AMMECR1: variants seen among roughly 807,000 people sequenced by gnomAD.
The protein encoded by AMMECR1 is AMMECR nuclear protein 1.
A neutral mutation model predicts 22.5 loss-of-function variants in AMMECR1; 3 were observed. The ratio of observed to expected loss-of-function variants is 0.13; its 90% CI spans 0.06 to 0.35. AMMECR1 has a LOEUF of 0.35. AMMECR1 is among the 10% of genes least tolerant of loss of function. The pLI, the probability that AMMECR1 is intolerant of heterozygous loss-of-function variation, is 1.00. For synonymous variants in AMMECR1, 130 were observed against 116.7 expected (o/e 1.11, Z -0.74); for missense variants, 235 against 278.7 (o/e 0.84, Z 1.12).
At chrX:110,232,584 C>A (rs1314100732) in intron 2 of AMMECR1, among the ~76,000 whole-genome samples, 3 of 111,008 alleles carry the variant, frequency 2.7e-5, no homozygotes, top group Non-Finnish European at 5.7e-5. Context: ...AAAATCGACA[C>A]CCTAACATCA....
chrX:110,295,780 C>G (rs779931626), intron 1 of AMMECR1, among the ~76,000 whole-genome samples: 57 of 111,654 alleles, frequency 5.1e-4, no homozygotes, highest in African/African-American at 1.8e-3. Flanking sequence ...CAGATTAATA[C>G]CAACCAGTGT....
intron 3 of AMMECR1, among the ~76,000 whole-genome samples, chrX:110,214,128 T>C (rs2067461127): frequency 1.8e-5 from 2 of 109,930 alleles, no homozygotes; most frequent in Non-Finnish European, 3.8e-5. Context: ...CCAGTCATAG[T>C]GGTGGGCGCC....
At chrX:110,238,577 C>T (rs2067613920) in intron 2 of AMMECR1, among the ~76,000 whole-genome samples, 2 of 112,301 alleles carry the variant, frequency 1.8e-5, no homozygotes, top group South Asian at 7.4e-4. Flanking sequence ...AATCCTATCT[C>T]CCTGGGACAG....
intron 2 of AMMECR1, among the ~76,000 whole-genome samples, chrX:110,227,196 G>A (rs1277684700): frequency 9.0e-6 from 1 of 111,567 alleles, no homozygotes; most frequent in Non-Finnish European, 1.9e-5. Context: ...CTCTTTCCAT[G>A]GCAATCAAAT....
chrX:110,318,922 C>A (rs2068068288), upstream of AMMECR1, among the ~76,000 whole-genome samples: 1 of 112,337 alleles, frequency 8.9e-6, no homozygotes, highest in Admixed American at 9.4e-5. Context: ...TTCAAAGATA[C>A]TAATTGTGCT....
chrX:110,397,972 G>A (rs1414643594), intron 2 of AMMECR1, among the ~76,000 whole-genome samples: 5 of 112,265 alleles, frequency 4.5e-5, no homozygotes, highest in African/African-American at 9.7e-5. Flanking sequence ...GGTGGAGCAC[G>A]AACCCGCTTC....
At chrX:110,415,534 A>G (rs187789044) in intron 2 of AMMECR1, among the ~76,000 whole-genome samples, 1 of 111,468 alleles carries the variant, frequency 9.0e-6, no homozygotes, top group East Asian at 2.8e-4. Flanking sequence ...TCGACAACCA[A>G]TATGTATTGA....
chrX:110,411,977 T>C (rs1347903590), intron 2 of AMMECR1, among the ~76,000 whole-genome samples: 1 of 112,583 alleles, frequency 8.9e-6, no homozygotes, highest in Admixed American at 9.4e-5. Context: ...GAGAAGATAA[T>C]GAACAATTCA....
intron 1 of AMMECR1, among the ~76,000 whole-genome samples, chrX:110,301,917 A>G (rs979639676): frequency 3.6e-5 from 4 of 112,047 alleles, no homozygotes; most frequent in Non-Finnish European, 5.6e-5. Context: ...AATTTAAAAC[A>G]AAACAGTAGA....
chrX:110,232,367 C>A (rs985782206), intron 2 of AMMECR1, among the ~76,000 whole-genome samples: 11 of 112,169 alleles, frequency 9.8e-5, no homozygotes, highest in African/African-American at 3.2e-4. Flanking sequence ...GAAACTCACT[C>A]AATACCACAT....
intron 2 of AMMECR1, among the ~76,000 whole-genome samples, chrX:110,402,830 G>A (rs1254111308): frequency 8.9e-6 from 1 of 112,150 alleles, no homozygotes; most frequent in East Asian, 2.8e-4. Flanking sequence ...AATAGGTCCT[G>A]AAAGGGGGGT....
At chrX:110,439,536 G>T (rs932524248) in intron 1 of AMMECR1, among the ~76,000 whole-genome samples, 5 of 111,951 alleles carry the variant, frequency 4.5e-5, no homozygotes, top group Non-Finnish European at 5.6e-5. Flanking sequence ...TAATAGCTGT[G>T]GTTGCATTTA....
intron 1 of AMMECR1, among the ~76,000 whole-genome samples, chrX:110,275,567 A>T (rs1488442976): frequency 3.6e-5 from 4 of 111,345 alleles, no homozygotes; most frequent in Non-Finnish European, 7.5e-5. Flanking sequence ...ATGGTGGCTC[A>T]CGCCTGTAAT....
chrX:110,252,897 C>T lies in AMMECR1; in HGVS notation c.584+11592G>A, dbSNP rs751019391. Among the ~76,000 whole-genome samples, 205 of 111,986 alleles carry T rather than the reference C, an allele frequency of 1.8e-3. 2 individuals carry two copies. The highest frequency in any genetic ancestry group is 6.4e-3 in the African/African-American group (197 of 30,876). Reference sequence around the variant, plus strand: ...ACGGAGAAAAATGAAGCAGGGTAAACGGGCAGGGAGAGCCAGATATCAAAT... The same window carrying T: ...ACGGAGAAAAATGAAGCAGGGTAAATGGGCAGGGAGAGCCAGATATCAAAT... On this transcript the variant is annotated intron_variant, in intron 2 of 5. Transcript: ENST00000262844.
chrX:110,436,435 T>C (rs2068838900), intron 1 of AMMECR1, among the ~76,000 whole-genome samples: 1 of 111,986 alleles, frequency 8.9e-6, no homozygotes, highest in Admixed American at 9.5e-5. Context: ...ACTGCTGGAA[T>C]ATGCATTTTA....
intron 3 of AMMECR1, among the ~76,000 whole-genome samples, chrX:110,215,690 C>T (rs1230040496): frequency 2.7e-5 from 3 of 111,980 alleles, no homozygotes; most frequent in Non-Finnish European, 5.7e-5. Flanking sequence ...CACATTTACT[C>T]GCCACTAAAT....
chrX:110,291,892 T>C (rs1453250151), intron 1 of AMMECR1, among the ~76,000 whole-genome samples: 2 of 111,789 alleles, frequency 1.8e-5, no homozygotes, highest in Non-Finnish European at 3.8e-5. Flanking sequence ...TATTTTCTCC[T>C]ATCTTTCCCT....
intron 2 of AMMECR1, among the ~76,000 whole-genome samples, chrX:110,329,880 A>T (rs2068113664): frequency 8.9e-6 from 1 of 112,046 alleles, no homozygotes; most frequent in Admixed American, 9.5e-5. Flanking sequence ...AACATAAATG[A>T]ATTTCATGTT....
intron 2 of AMMECR1, among the ~76,000 whole-genome samples, chrX:110,401,093 G>A (rs765012754): frequency 2.7e-5 from 3 of 112,398 alleles, no homozygotes; most frequent in African/African-American, 9.7e-5. Context: ...TTTTACAGAT[G>A]AAAGTGGAAA....
Sources: gnomAD v4.1 joint callset for allele counts (sites outside exome capture counted in the v4.1 genomes callset) on GRCh38, gnomAD v4.1.1 for gene constraint, MANE v1.5 for transcripts, NCBI Gene and HGNC (gene_info 2026-07-23, HGNC 2026-07-21) for gene names.